The following PLA2R1 variants were observed in gnomAD, a reference collection of about 807,000 sequenced individuals.
PLA2R1 encodes the protein phospholipase A2 receptor 1.
PLA2R1 carries 158 observed loss-of-function variants against 195.9 expected under a neutral mutation model. The observed-to-expected ratio is 0.81, with a 90% CI of 0.71 to 0.92. PLA2R1 has a LOEUF of 0.92. PLA2R1 is among the 40% of genes least tolerant of loss of function. PLA2R1 has a pLI of 0.00. For missense variants in PLA2R1, 1,626 were observed against 1,764.6 expected, an observed-to-expected ratio of 0.92 and a Z score of 1.41; for synonymous variants, 586 against 598.2, an observed-to-expected ratio of 0.98 and a Z score of 0.30.
At chr2:159,946,315 G>C in intron 27 of PLA2R1, 1 of 985,060 alleles carries the variant, frequency 1.0e-6, no homozygotes, top group Non-Finnish European at 1.2e-6. Context: ...TTCTTCACAA[G>C]TACCTTTCAA....
chr2:160,001,104 A>G (rs1386174552), intron 11 of PLA2R1, among the ~76,000 whole-genome samples: 1 of 152,136 alleles, frequency 6.6e-6, no homozygotes, highest in East Asian at 1.9e-4. Context: ...ACACTAGTAT[A>G]TGAATACATC....
chr2:160,016,758 T>C (rs770884163), intron 8 of PLA2R1, 46 bp from the exon 9 acceptor site: 2 of 886,148 alleles, frequency 2.3e-6, no homozygotes, highest in South Asian at 1.4e-5. Flanking sequence ...TCTGTGCTGA[T>C]ACCGATGGGC....
In PLA2R1 at chr2:160,004,296, C is replaced by G. The variant is rs2105388787; in HGVS notation, c.1834+1356G>C. ...GTTCTGGGCAAATGAGGTATATGGT[C>G]ACATTATCTATAGTAAGAATATATT... On this transcript the variant is annotated intron_variant, in intron 11 of 29. Transcript: ENST00000283243. Among the ~76,000 whole-genome samples the G allele has an allele frequency of 4.6e-5, 7 of 152,310 alleles. 1 individual carries two copies. The Middle Eastern group carries it at 0.024, about 518-fold the overall frequency.
At chr2:160,031,226 T>C (rs551336493) in intron 4 of PLA2R1, among the ~76,000 whole-genome samples, 2 of 152,308 alleles carry the variant, frequency 1.3e-5, no homozygotes, top group South Asian at 4.1e-4. Flanking sequence ...TATAGAGAAA[T>C]AATTGGGGAT....
chr2:160,012,375 G>C (rs1265686705), intron 10 of PLA2R1, among the ~76,000 whole-genome samples: 1 of 152,030 alleles, frequency 6.6e-6, no homozygotes, highest in African/African-American at 2.4e-5. Flanking sequence ...TTTACTCTTG[G>C]TATTTTTATC....
At chr2:160,043,056 G>A (rs112035099) in intron 2 of PLA2R1, among the ~76,000 whole-genome samples, 1,679 of 77,894 alleles carry the variant, frequency 0.022, 40 homozygotes, top group African/African-American at 0.046. Context: ...GAACAAGTGA[G>A]GGGGTGAATG....
chr2:160,016,263 C>CAAAAAAAAA (rs11396932), intron 9 of PLA2R1, among the ~76,000 whole-genome samples: 12 of 103,102 alleles, frequency 1.2e-4, no homozygotes, highest in African/African-American at 1.6e-4. Context: ...GACTCTGTCT[C>CAAAAAAAAA]AAAAAAAAAA....
chr2:160,062,552 C>T lies in PLA2R1; in HGVS notation c.-149G>A. 1 of 1,353,500 alleles carries T rather than the reference C, an allele frequency of 7.4e-7. No individual in the cohort carries two copies. The highest frequency in any genetic ancestry group is 1.7e-5 in the South Asian group (1 of 60,374). The allele number at this position is 1,353,500 out of a possible 1,614,324, so 83.8% of individuals were successfully genotyped here. A position where few individuals can be genotyped will look rare whatever the true frequency, so the allele number is the denominator to read the frequency against. Reference sequence around the variant, plus strand: ...CCACCCCCTCCGGGGGCCTTGCCAGCCCAGAGCCCTGGAGACCCACTCCGC... The same window carrying T: ...CCACCCCCTCCGGGGGCCTTGCCAGTCCAGAGCCCTGGAGACCCACTCCGC... On this transcript the variant is annotated 5_prime_UTR_variant, in exon 1 of 30. Transcript: ENST00000283243.
At chr2:160,005,913 G>C in intron 10 of PLA2R1, 92 bp from the exon 11 acceptor site, 2 of 810,842 alleles carry the variant, frequency 2.5e-6, no homozygotes, top group Non-Finnish European at 4.1e-6. Flanking sequence ...AATGGCCCCA[G>C]AGTAAGCATT....
chr2:160,042,316 A>G (rs1361120112), intron 2 of PLA2R1, 118 bp from the exon 3 acceptor site: 14 of 753,860 alleles, frequency 1.9e-5, no homozygotes, highest in Non-Finnish European at 2.8e-5. Flanking sequence ...GATACTCACT[A>G]CAGCAGAGTG....
intron 20 of PLA2R1, among the ~76,000 whole-genome samples, chr2:159,962,740 T>C (rs1468259865): frequency 1.3e-5 from 2 of 152,168 alleles, no homozygotes; most frequent in Non-Finnish European, 2.9e-5. Context: ...TGCAGGGACA[T>C]GGATGAAGCT....
Position 159,987,282 on chromosome 2 carries a change from A to G in PLA2R1, c.1911T>C (p.Phe637=). 6.2e-7 allele frequency: 1 copy of G among 1,613,092 alleles called. No homozygotes were observed. Residue 637 remains phenylalanine (F), a synonymous_variant, in exon 12 of 30, where the codon TTT becomes TTC. Transcript: ENST00000283243. ...GRWEVKHCRH[F]KAMSLCKQPV... is the part of the protein sequence containing the mutation. ...GCTGCTTGCACAAGGACATTGCCTT[A>G]AAGTGCCGACAGTGCTTCACTTCCC... is the stretch of plus-strand genomic sequence containing the variant.
At chr2:159,947,364 T>C (rs2125923498) in intron 26 of PLA2R1, 55 bp downstream of exon 26, 2 of 1,476,210 alleles carry the variant, frequency 1.4e-6, no homozygotes, top group Non-Finnish European at 1.8e-6. Context: ...CATTGTTTAC[T>C]GAAATGGCAA....
At chr2:160,008,171 T>C (rs754204194) in intron 10 of PLA2R1, among the ~76,000 whole-genome samples, 3 of 152,120 alleles carry the variant, frequency 2.0e-5, no homozygotes, top group Non-Finnish European at 2.9e-5. Flanking sequence ...TGGGTGGTGG[T>C]GTTAGATGCC....
At chr2:160,026,837 T>G (rs1414059312) in intron 6 of PLA2R1, among the ~76,000 whole-genome samples, 2 of 152,186 alleles carry the variant, frequency 1.3e-5, no homozygotes, top group East Asian at 3.8e-4. Context: ...AAATCCTTTT[T>G]GAACTTGGAA....
chr2:160,055,976 C>T (rs1200036373), intron 1 of PLA2R1, among the ~76,000 whole-genome samples: 1 of 152,114 alleles, frequency 6.6e-6, no homozygotes, highest in African/African-American at 2.4e-5. Context: ...CCCTTCCTCG[C>T]CACTGGGGCC....
intron 16 of PLA2R1, among the ~76,000 whole-genome samples, chr2:159,976,457 T>C (rs1203041022): frequency 6.6e-6 from 1 of 152,192 alleles, no homozygotes. Context: ...CGGGGATAGG[T>C]ACATATTCTA....
intron 23 of PLA2R1, among the ~76,000 whole-genome samples, chr2:159,953,195 A>C (rs1687866746): frequency 6.6e-6 from 1 of 152,244 alleles, no homozygotes; most frequent in African/African-American, 2.4e-5. Context: ...GTTTCAAAAC[A>C]AGTGATTTTG....
chr2:160,003,921 A>T (rs1691784151), intron 11 of PLA2R1, among the ~76,000 whole-genome samples: 1 of 152,244 alleles, frequency 6.6e-6, no homozygotes, highest in Non-Finnish European at 1.5e-5. Flanking sequence ...ATAAATATTG[A>T]TGTGGAAAGT....
Sources: gnomAD v4.1 joint callset for allele counts (sites outside exome capture counted in the v4.1 genomes callset) on GRCh38, gnomAD v4.1.1 for gene constraint, MANE v1.5 for transcripts, NCBI Gene and HGNC (gene_info 2026-07-23, HGNC 2026-07-21) for gene names.